PPP1R12A: variants seen among roughly 807,000 people sequenced by gnomAD.
PPP1R12A encodes myosin binding subunit.
A neutral mutation model predicts 139.6 loss-of-function variants in PPP1R12A; 19 were observed. The observed-to-expected ratio is 0.14, with a 90% CI of 0.09 to 0.20. PPP1R12A has a LOEUF of 0.20. Ranked by LOEUF, PPP1R12A falls within the 10% of genes least tolerant of loss-of-function variation. The pLI, the probability that PPP1R12A is intolerant of heterozygous loss-of-function variation, is 1.00. For synonymous variants in PPP1R12A, 427 were observed against 420.6 expected, an observed-to-expected ratio of 1.02 and a Z score of -0.19; for missense variants, 925 against 1,211.5, an observed-to-expected ratio of 0.76 and a Z score of 3.51.
At chr12:79,792,268 A>C (rs1475659552) in intron 19 of PPP1R12A, among the ~76,000 whole-genome samples, 1 of 152,140 alleles carries the variant, frequency 6.6e-6, no homozygotes, top group African/African-American at 2.4e-5. Flanking sequence ...TTTAGGTGAG[A>C]TGACACATGG....
At chr12:79,851,451 C>T (rs1334638014) in intron 2 of PPP1R12A, among the ~76,000 whole-genome samples, 1 of 152,186 alleles carries the variant, frequency 6.6e-6, no homozygotes, top group Non-Finnish European at 1.5e-5. Context: ...TCTTTTCTAT[C>T]AGTACTTAAC....
chr12:79,795,831 C>A, intron 17 of PPP1R12A, 72 bp from the exon 18 acceptor site: 1 of 1,493,702 alleles, frequency 6.7e-7, no homozygotes, highest in South Asian at 1.2e-5. Flanking sequence ...ATTGTAAAAA[C>A]AATGGGTAAA....
intron 1 of PPP1R12A, among the ~76,000 whole-genome samples, chr12:79,896,029 T>C (rs1003234440): frequency 1.3e-5 from 2 of 151,952 alleles, no homozygotes; most frequent in Non-Finnish European, 2.9e-5. Flanking sequence ...AGGAGTAGTA[T>C]ATCAAATAGA....
intron 1 of PPP1R12A, among the ~76,000 whole-genome samples, chr12:79,890,232 G>A (rs1224208087): frequency 6.6e-6 from 1 of 151,996 alleles, no homozygotes; most frequent in African/African-American, 2.4e-5. Flanking sequence ...AAATAAGCAC[G>A]GTTGAAAAAC....
At chr12:79,850,430 A>G (rs1180923285) in intron 2 of PPP1R12A, among the ~76,000 whole-genome samples, 1 of 152,210 alleles carries the variant, frequency 6.6e-6, no homozygotes, top group East Asian at 1.9e-4. Context: ...TTTGTCAAAA[A>G]CCAAACCACA....
chr12:79,898,817 C>G (rs1885366121), intron 1 of PPP1R12A, among the ~76,000 whole-genome samples: 1 of 152,102 alleles, frequency 6.6e-6, no homozygotes. Flanking sequence ...CTCACACCCT[C>G]CCTCAACCAA....
chr12:79,855,277 C>T (rs1380446765), intron 2 of PPP1R12A, among the ~76,000 whole-genome samples: 4 of 152,080 alleles, frequency 2.6e-5, no homozygotes, highest in Admixed American at 6.5e-5. Flanking sequence ...TGTGAGCCAC[C>T]GCGCCTGGCC....
At chr12:79,912,261 T>C (rs949324853) in intron 1 of PPP1R12A, among the ~76,000 whole-genome samples, 1 of 152,254 alleles carries the variant, frequency 6.6e-6, no homozygotes, top group Non-Finnish European at 1.5e-5. Flanking sequence ...TAACACTTTA[T>C]ATTTTTCCTT....
At chr12:79,904,551 T>C (rs2137490699) in intron 1 of PPP1R12A, among the ~76,000 whole-genome samples, 1 of 152,286 alleles carries the variant, frequency 6.6e-6, no homozygotes, top group African/African-American at 2.4e-5. Flanking sequence ...AATATTATTA[T>C]CATTTAACAA....
chr12:79,879,734 C>T (rs1234499983), intron 1 of PPP1R12A, among the ~76,000 whole-genome samples: 1 of 152,068 alleles, frequency 6.6e-6, no homozygotes, highest in Non-Finnish European at 1.5e-5. Context: ...CACAAGGGGG[C>T]TTTCCGGACA....
At chr12:79,879,119 C>T (rs189729637) in intron 1 of PPP1R12A, among the ~76,000 whole-genome samples, 24 of 152,256 alleles carry the variant, frequency 1.6e-4, no homozygotes, top group South Asian at 1.2e-3. Context: ...GCAGCTCATG[C>T]CTATAATCCC....
chr12:79,917,647 T>C (rs1887109460), intron 1 of PPP1R12A, among the ~76,000 whole-genome samples: 1 of 151,822 alleles, frequency 6.6e-6, no homozygotes, highest in East Asian at 1.9e-4. Context: ...TATTAAAACA[T>C]GCAAAAAACC....
intron 9 of PPP1R12A, among the ~76,000 whole-genome samples, chr12:79,814,815 C>CAAAAAAAAAA (rs149384466): frequency 1.4e-5 from 1 of 69,748 alleles, no homozygotes; most frequent in African/African-American, 6.7e-5. Context: ...AACTCTGTCT[C>CAAAAAAAAAA]AAAAAAAAAA....
Position 79,808,408 on chromosome 12 carries a change from G to T in PPP1R12A, c.1550+75C>A, listed in dbSNP as rs184475116. 259 of 992,828 alleles carry T rather than the reference G, an allele frequency of 2.6e-4. 3 individuals carry two copies. In the Admixed American group the frequency reaches 4.9e-3, roughly 19 times the overall value. The allele number at this position is 992,828 out of a possible 1,614,324, so 61.5% of individuals were successfully genotyped here. On this transcript the variant is annotated intron_variant, in intron 11 of 24. Coordinates refer to ENST00000450142, the MANE Select transcript of PPP1R12A (RefSeq NM_002480.3). The stretch of plus-strand genomic sequence containing the variant: ...ATACATATCCGCACATAATTACAAT[G>T]CTCATGTATTAACTCTAATGCTAGA...
chr12:79,922,011 G>T (rs1456694605), intron 1 of PPP1R12A, among the ~76,000 whole-genome samples: 1 of 152,202 alleles, frequency 6.6e-6, no homozygotes, highest in East Asian at 1.9e-4. Flanking sequence ...AGCACTTTGG[G>T]ATGCCAAGGC....
chr12:79,777,657 A>C, intron 24 of PPP1R12A: 1 of 982,376 alleles, frequency 1.0e-6, no homozygotes, highest in South Asian at 4.7e-5. Context: ...CAGGTTCTGC[A>C]GGAATCAGAA....
chr12:79,927,253 A>G (rs1887917119), intron 1 of PPP1R12A, among the ~76,000 whole-genome samples: 1 of 152,126 alleles, frequency 6.6e-6, no homozygotes, highest in Non-Finnish European at 1.5e-5. Context: ...ATAAATTGCT[A>G]TTAGGGTAAA....
chr12:79,835,959 T>C (rs537675653), intron 3 of PPP1R12A, among the ~76,000 whole-genome samples: 1 of 152,300 alleles, frequency 6.6e-6, no homozygotes, highest in Admixed American at 6.5e-5. Flanking sequence ...ATTACTCAAC[T>C]GAAGCTCAGC....
intron 1 of PPP1R12A, among the ~76,000 whole-genome samples, chr12:79,905,339 G>GCCCCCC (rs57598900): frequency 5.1e-4 from 54 of 106,116 alleles, no homozygotes; most frequent in Non-Finnish European, 6.3e-4. Context: ...TTGTTTTGCC[G>GCCCCCC]CCCCCCCCCA....
Sources: gnomAD v4.1 joint callset for allele counts (sites outside exome capture counted in the v4.1 genomes callset) on GRCh38, gnomAD v4.1.1 for gene constraint, MANE v1.5 for transcripts, NCBI Gene and HGNC (gene_info 2026-07-23, HGNC 2026-07-21) for gene names.